The following NF2 variants were observed in gnomAD, a reference collection of about 807,000 sequenced individuals.
The protein encoded by NF2 is merlin.
NF2 carries 8 observed loss-of-function variants against 83.7 expected under a neutral mutation model. That is an observed-to-expected ratio of 0.10 (90% CI 0.06 to 0.17). The LOEUF is 0.17. Ranked by LOEUF, NF2 falls within the 10% of genes least tolerant of loss-of-function variation. The pLI, the probability that NF2 is intolerant of heterozygous loss-of-function variation, is 1.00. For missense variants in NF2, 533 were observed against 744.4 expected, an observed-to-expected ratio of 0.72 and a Z score of 3.31; for synonymous variants, 266 against 269.6, an observed-to-expected ratio of 0.99 and a Z score of 0.13.
chr22:29,615,376 C>T (rs1277816285), intron 1 of NF2, among the ~76,000 whole-genome samples: 4 of 151,848 alleles, frequency 2.6e-5, no homozygotes, highest in Non-Finnish European at 4.4e-5. Context: ...ATTTTGAGAC[C>T]AGCCTGGGCA....
intron 8 of NF2, among the ~76,000 whole-genome samples, chr22:29,662,789 G>A (rs1317543766): frequency 3.3e-5 from 5 of 152,206 alleles, no homozygotes; most frequent in East Asian, 1.9e-4. Context: ...CACAGCCCCC[G>A]CCTTTCAGGG....
At chr22:29,660,598 C>G (rs930540650) in intron 7 of NF2, among the ~76,000 whole-genome samples, 13 of 152,232 alleles carry the variant, frequency 8.5e-5, no homozygotes, top group African/African-American at 3.1e-4. Flanking sequence ...TTAACGAAGT[C>G]TCTCTTTGTC....
Position 29,679,025 on chromosome 22 carries a change from T to C in NF2, c.1574+702T>C, listed in dbSNP as rs368461264. Among the ~76,000 whole-genome samples the C allele has an allele frequency of 6.6e-5, 10 of 152,374 alleles. No homozygotes were observed. In the East Asian group the frequency reaches 1.9e-3, roughly 29 times the overall value. On this transcript the variant is annotated intron_variant, in intron 14 of 15. Transcript: ENST00000338641. Reference sequence around the variant, plus strand: ...TAGAGGACAACCACAGTAGCTACCATGCATTGAGTGCCTGTGTGTCAGGGG... The same window carrying C: ...TAGAGGACAACCACAGTAGCTACCACGCATTGAGTGCCTGTGTGTCAGGGG...
chr22:29,689,529 G>A (rs2067352146), intron 15 of NF2, among the ~76,000 whole-genome samples: 1 of 152,018 alleles, frequency 6.6e-6, no homozygotes, highest in Non-Finnish European at 1.5e-5. Context: ...GACAAGCAGA[G>A]ACCCAGCGCC....
rs2065309939 is a variant in NF2 at position 29,624,829 on chromosome 22, C to CTTTCT, written c.115-11919_115-11915dup. Among the ~76,000 whole-genome samples, 3 of 146,634 alleles carry CTTTCT rather than the reference C, an allele frequency of 2.0e-5. No individual in the cohort carries two copies. In the South Asian group the frequency reaches 6.5e-4, roughly 32 times the overall value. ...TCTTTCTTTCTTTCTTTCTTTCTTT[C>CTTTCT]TTTCTTTCTTTCTTTCTTTCTTTCT... On this transcript the variant is annotated intron_variant, in intron 1 of 15. Coordinates refer to ENST00000338641, the MANE Select transcript of NF2 (RefSeq NM_000268.4).
intron 15 of NF2, among the ~76,000 whole-genome samples, chr22:29,692,705 C>T (rs919423741): frequency 2.6e-5 from 4 of 152,210 alleles, no homozygotes; most frequent in South Asian, 4.1e-4. Context: ...CCCTTCCTAA[C>T]GAGCACCCTG....
intron 1 of NF2, chr22:29,608,898 G>A (rs2064875432): frequency 1.9e-6 from 1 of 520,728 alleles, no homozygotes; most frequent in Non-Finnish European, 3.6e-6. Flanking sequence ...GGAACCAGTA[G>A]TATGGCATCG....
chr22:29,684,303 A>T (rs2067221074), intron 15 of NF2: 1 of 152,222 alleles, frequency 6.6e-6, no homozygotes. Context: ...CAGGGCAGTT[A>T]TGGCCAGCAT....
At chr22:29,661,956 A>G (rs2066490908) in intron 8 of NF2, among the ~76,000 whole-genome samples, 1 of 152,224 alleles carries the variant, frequency 6.6e-6, no homozygotes, top group Non-Finnish European at 1.5e-5. Flanking sequence ...TATGCTTACA[A>G]GAATTCCAAA....
intron 1 of NF2, among the ~76,000 whole-genome samples, chr22:29,619,338 C>A (rs1384103977): frequency 6.6e-6 from 1 of 151,774 alleles, no homozygotes; most frequent in Non-Finnish European, 1.5e-5. Flanking sequence ...AGCCACTACG[C>A]CTGGCCTGTT....
At chr22:29,686,585 G>C (rs937116099) in intron 15 of NF2, among the ~76,000 whole-genome samples, 3 of 152,208 alleles carry the variant, frequency 2.0e-5, no homozygotes, top group African/African-American at 7.2e-5. Context: ...GTTGCAGTGA[G>C]CCAAGATCGT....
intron 7 of NF2, among the ~76,000 whole-genome samples, chr22:29,659,179 G>A (rs2066404684): frequency 6.6e-6 from 1 of 152,142 alleles, no homozygotes; most frequent in African/African-American, 2.4e-5. Flanking sequence ...CTTTTCTAAA[G>A]TTCTGTCAGT....
intron 8 of NF2, among the ~76,000 whole-genome samples, chr22:29,664,244 A>T (rs964119570): frequency 6.6e-6 from 1 of 152,050 alleles, no homozygotes; most frequent in Non-Finnish European, 1.5e-5. Context: ...AAGTGTTGGG[A>T]TTACGGGTGT....
intron 1 of NF2, among the ~76,000 whole-genome samples, chr22:29,604,984 G>A (rs1355517539): frequency 2.0e-5 from 3 of 151,934 alleles, no homozygotes; most frequent in African/African-American, 7.3e-5. Context: ...ATTCTTTTTT[G>A]TTTTGTTTCG....
At position 29,678,202 on chromosome 22, in the gene NF2, A is replaced by T. The variant is rs1601658875; in HGVS notation, c.1453A>T (p.Asn485Tyr). ...IATKPTYPPM[N>Y]PIPAPLPPDI... The stretch of plus-strand genomic sequence containing the variant: ...CGAAATTTCTCATTAACAGCCCATG[A>T]ACCCAATTCCAGCACCGTTGCCTCC... Residue 485 changes from asparagine to tyrosine, a missense_variant, in exon 14 of 16, where the codon AAC (asparagine) becomes TAC (tyrosine). Around this residue, in one of 3 missense-constraint regions of NF2, gnomAD observed 199 missense variants for 240.7 expected, o/e 0.83. Coordinates refer to ENST00000338641, the MANE Select transcript of NF2 (RefSeq NM_000268.4). 6.2e-7 allele frequency: 1 copy of T among 1,614,066 alleles called. No individual in the cohort carries two copies. The highest frequency in any genetic ancestry group is 1.3e-5 in the African/African-American group (1 of 75,026).
intron 4 of NF2, 22 bp downstream of exon 4, chr22:29,642,307 G>T (rs1335412155): frequency 6.2e-7 from 1 of 1,603,974 alleles, no homozygotes; most frequent in Non-Finnish European, 8.5e-7. Flanking sequence ...GAAGAAAAAT[G>T]TATTTTTCCT....
At position 29,671,926 on chromosome 22, in the gene NF2, C is replaced by G. The variant is rs2066805331; in HGVS notation, c.1100C>G (p.Ala367Gly). 2 of 1,614,194 alleles carry G rather than the reference C, an allele frequency of 1.2e-6. No individual in the cohort carries two copies. Among genetic ancestry groups the G allele is most frequent in the Non-Finnish European group, 1.7e-6 (2 of 1,180,038 alleles). ...AGGCTGCTGCAGATGAAAGAAGAAG[C>G]AACAATGGCCAACGAAGCACTGGTG... ...ERRLLQMKEE[A>G]TMANEALMRS... is the part of the protein sequence containing the mutation. Residue 367 changes from alanine (A) to glycine (G), a missense_variant, in exon 11 of 16, where the codon GCA becomes GGA. By Grantham distance (60) the Ala-to-Gly change is moderately conservative (BLOSUM62 0). This residue lies in a region of NF2 where 326 missense variants were observed against 475.1 expected (regional missense o/e 0.69). Transcript: ENST00000338641.
At chr22:29,627,017 A>C (rs1342190994) in intron 1 of NF2, among the ~76,000 whole-genome samples, 1 of 152,188 alleles carries the variant, frequency 6.6e-6, no homozygotes, top group African/African-American at 2.4e-5. Flanking sequence ...TCAACTCATG[A>C]TTATTAGGAG....
At chr22:29,665,248 G>T (rs73159073) in intron 9 of NF2, among the ~76,000 whole-genome samples, 184 bp downstream of exon 9, 118 of 135,834 alleles carry the variant, frequency 8.7e-4, no homozygotes, top group Non-Finnish European at 1.2e-3. Flanking sequence ...TTTTTTTTTT[G>T]TTTTTTTTTT....
Sources: allele counts gnomAD v4.1 joint callset (sites outside exome capture counted in the v4.1 genomes callset), GRCh38; gene constraint gnomAD v4.1.1; regional missense constraint gnomAD v4.1.1; transcripts MANE v1.5; gene names NCBI Gene and HGNC (gene_info 2026-07-23, HGNC 2026-07-21).